Variants in KCNMA1 observed in about 807,000 individuals in gnomAD.
KCNMA1 encodes the protein Calcium-activated potassium channel subunit alpha-1.
A neutral mutation model predicts 140.0 loss-of-function variants in KCNMA1; 29 were observed. The observed-to-expected ratio is 0.21, with a 90% CI of 0.15 to 0.28. The LOEUF (loss-of-function observed/expected upper bound fraction) is 0.28. Ranked by LOEUF, KCNMA1 falls within the 10% of genes least tolerant of loss-of-function variation. The pLI, the probability that KCNMA1 is intolerant of heterozygous loss-of-function variation, is 1.00. For missense variants in KCNMA1, 880 were observed against 1,602.2 expected, an observed-to-expected ratio of 0.55 and a Z score of 7.70; for synonymous variants, 612 against 611.9, an observed-to-expected ratio of 1.00 and a Z score of 0.00.
At chr10:77,091,271 G>A (rs1164252154) in intron 9 of KCNMA1, 3 of 152,578 alleles carry the variant, frequency 2.0e-5, no homozygotes, top group Admixed American at 1.3e-4. Flanking sequence ...GGGAGATGCT[G>A]GGAAGGGATG....
At chr10:77,434,187 G>C (rs866278664) in intron 1 of KCNMA1, among the ~76,000 whole-genome samples, 34 of 152,156 alleles carry the variant, frequency 2.2e-4, no homozygotes, top group African/African-American at 8.2e-4. Context: ...CACTGGCAAG[G>C]GGCCTTGGCA....
chr10:77,566,454 C>T (rs1343781565), intron 1 of KCNMA1, among the ~76,000 whole-genome samples: 3 of 152,202 alleles, frequency 2.0e-5, no homozygotes, highest in Non-Finnish European at 2.9e-5. Context: ...AGCTGTCCCA[C>T]GGAAGGCCAG....
intron 1 of KCNMA1, among the ~76,000 whole-genome samples, chr10:77,436,824 G>A (rs976819441): frequency 1.3e-5 from 2 of 152,124 alleles, no homozygotes; most frequent in Admixed American, 6.5e-5. Flanking sequence ...GCCATACACA[G>A]TAAAGATGAC....
At chr10:77,109,740 GT>G (rs145084033) in intron 8 of KCNMA1, among the ~76,000 whole-genome samples, 3,930 of 152,266 alleles carry the variant, frequency 0.026, 162 homozygotes, top group African/African-American at 0.089. Flanking sequence ...TTTGTTGGAA[GT>G]TAGGGGAGGA....
chr10:77,419,786 A>T (rs1226228012), intron 1 of KCNMA1, among the ~76,000 whole-genome samples: 1 of 152,190 alleles, frequency 6.6e-6, no homozygotes, highest in Non-Finnish European at 1.5e-5. Flanking sequence ...ACAGGACAGA[A>T]ATCAGTCTGC....
intron 21 of KCNMA1, among the ~76,000 whole-genome samples, chr10:76,951,387 C>G (rs1318410773): frequency 6.6e-6 from 1 of 152,164 alleles, no homozygotes; most frequent in Admixed American, 6.5e-5. Flanking sequence ...CAGGCCCAAC[C>G]CAAGCACAAC....
chr10:77,274,006 G>A (rs2065926819), intron 2 of KCNMA1, among the ~76,000 whole-genome samples: 1 of 152,174 alleles, frequency 6.6e-6, no homozygotes, highest in Non-Finnish European at 1.5e-5. Context: ...CCCTTCTCTT[G>A]AGCCTGGAAG....
chr10:77,114,592 C>G (rs1334514804), intron 6 of KCNMA1, among the ~76,000 whole-genome samples: 4 of 152,180 alleles, frequency 2.6e-5, no homozygotes, highest in Non-Finnish European at 5.9e-5. Flanking sequence ...ATTTACTCAA[C>G]TTGAAAGCCC....
At chr10:77,433,056 G>A (rs1713856696) in intron 1 of KCNMA1, among the ~76,000 whole-genome samples, 1 of 152,188 alleles carries the variant, frequency 6.6e-6, no homozygotes, top group South Asian at 2.1e-4. Context: ...GCAGGACTCA[G>A]GAATCAGGCA....
chr10:77,088,199 G>A (rs906955165), intron 10 of KCNMA1, among the ~76,000 whole-genome samples: 4 of 152,224 alleles, frequency 2.6e-5, no homozygotes, highest in East Asian at 3.9e-4. Context: ...GGCCTCAAGT[G>A]AGCCACCCAC....
chr10:77,413,969 C>T (rs1394086856), intron 1 of KCNMA1, among the ~76,000 whole-genome samples: 1 of 152,202 alleles, frequency 6.6e-6, no homozygotes, highest in African/African-American at 2.4e-5. Context: ...ACCATTGAGG[C>T]ATTTTTAGCC....
chr10:77,211,654 A>C (rs2046112031), intron 3 of KCNMA1, among the ~76,000 whole-genome samples: 3 of 152,212 alleles, frequency 2.0e-5, no homozygotes, highest in Admixed American at 2.0e-4. Flanking sequence ...AACTATCAAC[A>C]AAGTAAAAAG....
chr10:76,878,267 G>C (rs1487863901), intron 29 of KCNMA1, among the ~76,000 whole-genome samples: 1 of 152,166 alleles, frequency 6.6e-6, no homozygotes, highest in Non-Finnish European at 1.5e-5. Flanking sequence ...CATTGTGCCT[G>C]AGGAGAGATG....
chr10:77,413,145 C>T (rs1482825364), intron 1 of KCNMA1, among the ~76,000 whole-genome samples: 2 of 152,078 alleles, frequency 1.3e-5, no homozygotes, highest in Non-Finnish European at 2.9e-5. Flanking sequence ...AGGAGTGAGC[C>T]ACCTCGCCCG....
chr10:77,007,653 G>GTGTGTATATATATATATATATATATA, intron 18 of KCNMA1, among the ~76,000 whole-genome samples: 33 of 88,444 alleles, frequency 3.7e-4, no homozygotes, highest in African/African-American at 9.0e-4. Context: ...TTGTGTGTGT[G>GTGTGTATATATATATATATATATATA]TATATATATA....
chr10:77,577,796 A>T (rs2074669654), intron 1 of KCNMA1, among the ~76,000 whole-genome samples: 1 of 152,324 alleles, frequency 6.6e-6, no homozygotes, highest in Admixed American at 6.5e-5. Flanking sequence ...TGCTGGTGAC[A>T]TCCCCCTGCC....
chr10:77,167,689 CT>C (rs1317329908), intron 5 of KCNMA1, among the ~76,000 whole-genome samples: 333 of 144,804 alleles, frequency 2.3e-3, no homozygotes, highest in Non-Finnish European at 2.0e-3. Context: ...TTCTTTCTTT[CT>C]TTTTTTTTTT....
chr10:77,218,298 T>C (rs1300360359), intron 3 of KCNMA1, among the ~76,000 whole-genome samples: 1 of 152,174 alleles, frequency 6.6e-6, no homozygotes, highest in African/African-American at 2.4e-5. Flanking sequence ...ATTTAAACCA[T>C]TTAAACCATT....
chr10:76,921,003 T>C (rs916225797), intron 23 of KCNMA1, among the ~76,000 whole-genome samples: 6 of 152,206 alleles, frequency 3.9e-5, no homozygotes, highest in African/African-American at 1.4e-4. Flanking sequence ...AAATCTTCCC[T>C]AGTTAAATCC....
Sources: allele counts gnomAD v4.1 joint callset (sites outside exome capture counted in the v4.1 genomes callset), GRCh38; gene constraint gnomAD v4.1.1; transcripts MANE v1.5; gene names NCBI Gene and HGNC (gene_info 2026-07-23, HGNC 2026-07-21).